The following CSMD1 variants were observed in gnomAD, a reference collection of about 807,000 sequenced individuals.
CSMD1 encodes CUB and sushi domain-containing protein 1.
In CSMD1, 213 loss-of-function variants were observed where a neutral mutation model predicts 417.5. The ratio of observed to expected loss-of-function variants is 0.51; its 90% confidence interval spans 0.46 to 0.57. CSMD1 has a LOEUF of 0.57. Among genes scored for constraint, CSMD1 ranks in the 20% least tolerant of loss-of-function variants. CSMD1 has a pLI of 0.00. For missense variants in CSMD1, 6,923 were observed against 4,529.7 expected, an observed-to-expected ratio of 1.53 and a Z score of -15.17; for synonymous variants, 2,862 against 1,736.8, an observed-to-expected ratio of 1.65 and a Z score of -16.11.
chr8:4,594,830 G>C (rs1800171179), intron 2 of CSMD1, among the ~76,000 whole-genome samples: 2 of 152,078 alleles, frequency 1.3e-5, no homozygotes, highest in African/African-American at 4.8e-5. Context: ...TAATAGATAA[G>C]TGTCTAGGAC....
At chr8:4,856,504 C>G (rs1801809023) in intron 1 of CSMD1, among the ~76,000 whole-genome samples, 1 of 139,446 alleles carries the variant, frequency 7.2e-6, no homozygotes, top group Non-Finnish European at 1.5e-5. Context: ...CATCAGTGTG[C>G]TGTATTCAGG....
intron 12 of CSMD1, among the ~76,000 whole-genome samples, chr8:3,419,822 G>T (rs558505602): frequency 6.6e-6 from 1 of 152,232 alleles, no homozygotes; most frequent in East Asian, 1.9e-4. Flanking sequence ...TTATTTTCCT[G>T]CTACTTCTAG....
intron 3 of CSMD1, among the ~76,000 whole-genome samples, chr8:4,173,811 G>C (rs113621054): frequency 6.6e-6 from 1 of 152,108 alleles, no homozygotes; most frequent in African/African-American, 2.4e-5. Context: ...GTGCGCTTGA[G>C]GAACAATCTG....
intron 5 of CSMD1, among the ~76,000 whole-genome samples, chr8:3,789,407 AG>A (rs1437955933): frequency 5.2e-4 from 5 of 9,592 alleles, no homozygotes; most frequent in Admixed American, 1.9e-3. Context: ...TTTTTAAGTA[AG>A]TTTTTTTTTT....
intron 10 of CSMD1, among the ~76,000 whole-genome samples, chr8:3,496,681 C>T (rs1031203450): frequency 4.6e-5 from 7 of 152,000 alleles, no homozygotes; most frequent in South Asian, 2.1e-4. Flanking sequence ...CAAAAATTAG[C>T]CTGGCATGGT....
intron 25 of CSMD1, among the ~76,000 whole-genome samples, chr8:3,303,100 C>G (rs1413314420): frequency 1.3e-5 from 2 of 152,126 alleles, no homozygotes; most frequent in Non-Finnish European, 2.9e-5. Context: ...TCTATGAAAA[C>G]TAAGGGAAGG....
intron 3 of CSMD1, among the ~76,000 whole-genome samples, chr8:4,083,185 G>A (rs1210677237): frequency 6.6e-6 from 1 of 152,070 alleles, no homozygotes; most frequent in Non-Finnish European, 1.5e-5. Flanking sequence ...CTGAGGAATT[G>A]CCACACTGAC....
At chr8:4,670,105 G>C (rs1789437152) in intron 1 of CSMD1, among the ~76,000 whole-genome samples, 4 of 152,126 alleles carry the variant, frequency 2.6e-5, no homozygotes, top group Admixed American at 6.6e-5. Context: ...GTGTAAGATA[G>C]GGCAAACTTT....
At chr8:4,002,393 T>G (rs67030745) in intron 4 of CSMD1, among the ~76,000 whole-genome samples, 22,181 of 152,158 alleles carry the variant, frequency 0.15, 1,687 homozygotes, top group East Asian at 0.2. Context: ...TAATAGCATT[T>G]GAAGAAGAGC....
chr8:4,224,478 C>T (rs138205802), intron 3 of CSMD1, among the ~76,000 whole-genome samples: 1 of 151,270 alleles, frequency 6.6e-6, no homozygotes. Context: ...TTGCTCTGAC[C>T]CATCTACACT....
chr8:4,544,442 T>A (rs1233145955), intron 2 of CSMD1, among the ~76,000 whole-genome samples: 1 of 152,142 alleles, frequency 6.6e-6, no homozygotes, highest in Non-Finnish European at 1.5e-5. Flanking sequence ...AATAGTTATA[T>A]GTAGTTTACT....
At chr8:3,987,556 C>G (rs1011206678) in intron 5 of CSMD1, among the ~76,000 whole-genome samples, 3 of 152,082 alleles carry the variant, frequency 2.0e-5, no homozygotes, top group African/African-American at 7.2e-5. Context: ...GGTGCAGCTA[C>G]GAAGGGGAGG....
intron 12 of CSMD1, among the ~76,000 whole-genome samples, chr8:3,423,448 G>C (rs1813623232): frequency 6.6e-6 from 1 of 152,042 alleles, no homozygotes; most frequent in African/African-American, 2.4e-5. Context: ...TTTGTCTCTG[G>C]TTTCTTTCAC....
At chr8:4,882,707 A>T (rs888393329) in intron 1 of CSMD1, among the ~76,000 whole-genome samples, 6 of 151,976 alleles carry the variant, frequency 3.9e-5, no homozygotes, top group African/African-American at 1.2e-4. Flanking sequence ...TCCTCTGGGA[A>T]CCAGACTAAA....
At chr8:3,469,583 G>C (rs2117190858) in intron 11 of CSMD1, among the ~76,000 whole-genome samples, 1 of 152,264 alleles carries the variant, frequency 6.6e-6, no homozygotes, top group East Asian at 1.9e-4. Context: ...AGAAAAGCAT[G>C]TTGAAATAGA....
chr8:4,074,638 A>T (rs1799728225), intron 3 of CSMD1, among the ~76,000 whole-genome samples: 1 of 152,106 alleles, frequency 6.6e-6, no homozygotes, highest in Admixed American at 6.6e-5. Context: ...CTCACTTTTA[A>T]TGTGAAATAT....
Position 4,981,430 on chromosome 8 carries a change from T to A in CSMD1, c.85+12902A>T, listed in dbSNP as rs558509742. 1.2e-4 allele frequency among the ~76,000 whole-genome samples: 18 copies of A among 152,284 alleles called. No individual in the cohort carries two copies. In the South Asian group the frequency reaches 3.5e-3, roughly 30 times the overall value. ...TTTTTCTAGATATCCAACAAGAGTA[T>A]AAGGGAGTGTCCTCTCTGTGCACAA... On this transcript the variant is annotated intron_variant, in intron 1 of 69. Transcript: ENST00000635120.
At chr8:4,988,606 G>A (rs1811301708) in intron 1 of CSMD1, among the ~76,000 whole-genome samples, 1 of 152,182 alleles carries the variant, frequency 6.6e-6, no homozygotes, top group South Asian at 2.1e-4. Context: ...TTTAGAGTTG[G>A]TGGATGAGAC....
At chr8:3,258,723 A>G (rs964197587) in intron 26 of CSMD1, among the ~76,000 whole-genome samples, 2 of 152,234 alleles carry the variant, frequency 1.3e-5, no homozygotes, top group Non-Finnish European at 2.9e-5. Context: ...TGGATAAAGA[A>G]AACATGGTAC....
Sources: allele counts gnomAD v4.1 joint callset (sites outside exome capture counted in the v4.1 genomes callset), GRCh38; gene constraint gnomAD v4.1.1; transcripts MANE v1.5; gene names NCBI Gene and HGNC (gene_info 2026-07-23, HGNC 2026-07-21).